The following KCNK12 variants were observed in gnomAD, a reference collection of about 807,000 sequenced individuals.
KCNK12 encodes the protein potassium two pore domain channel subfamily K member 12, also known as potassium channel subfamily K member 12.
A neutral mutation model predicts 25.3 loss-of-function variants in KCNK12; 6 were observed. The observed-to-expected ratio is 0.24, with a 90% CI of 0.13 to 0.47. KCNK12 has a LOEUF of 0.47. Ranked by LOEUF, KCNK12 falls within the 20% of genes least tolerant of loss-of-function variation. KCNK12 has a pLI of 0.99. For missense variants in KCNK12, 444 were observed against 661.7 expected (o/e 0.67, Z 3.61); for synonymous variants, 331 against 311.1 (o/e 1.06, Z -0.67).
In KCNK12 at chr2:47,528,264, C is replaced by T. The variant is rs1230320965; in HGVS notation, c.392-6456G>A. ...CCTTACTGTCCTGTTCCTGAGGTCT[C>T]TCTGTGCCTGCTTTACTGCCCTTCG... On this transcript the variant is annotated intron_variant, in intron 1 of 1. Coordinates refer to ENST00000327876, the MANE Select transcript of KCNK12 (RefSeq NM_022055.2). This position sits in a 1 kb window ranked among gnomAD's most constrained non-coding sequence, Gnocchi z 4.5. 4 of 152,312 alleles carry T rather than the reference C, an allele frequency of 2.6e-5. No individual in the cohort carries two copies. The highest frequency in any genetic ancestry group is 4.4e-5 in the Non-Finnish European group (3 of 68,114). The allele number at this position is 152,312 out of a possible 1,614,324, so 9.4% of individuals were successfully genotyped here.
Position 47,510,794 on chromosome 2 carries a change from T to G in KCNK12, c.*10113A>C, listed in dbSNP as rs1196116712. ...ATTAATATTAACTGGCTGCCCAGAA[T>G]AAATGAAGAATAGCTTATTCTTTGC... On this transcript the variant is annotated 3_prime_UTR_variant, in exon 2 of 2. Coordinates refer to ENST00000327876, the MANE Select transcript of KCNK12 (RefSeq NM_022055.2). 6.6e-6 allele frequency: 1 copy of G among 152,178 alleles called. No individual in the cohort carries two copies. Among genetic ancestry groups the G allele is most frequent in the Non-Finnish European group, 1.5e-5 (1 of 68,036 alleles). The allele number at this position is 152,178 out of a possible 1,614,324, so 9.4% of individuals were successfully genotyped here. A position where few individuals can be genotyped will look rare whatever the true frequency, so the allele number is the denominator to read the frequency against.
rs112866106 is a variant in KCNK12 at position 47,519,626 on chromosome 2, G to C, written c.*1281C>G. 2 of 152,328 alleles carry C rather than the reference G, an allele frequency of 1.3e-5. No individual in the cohort carries two copies. The highest frequency in any genetic ancestry group is 4.8e-5 in the African/African-American group (2 of 41,566). The allele number at this position is 152,328 out of a possible 1,614,324, so 9.4% of individuals were successfully genotyped here. ...TCTGGGAGAATCTGTCCCTCAGCCC[G>C]AGAGCAAAACTGTAATCCTAACATT... On this transcript the variant is annotated 3_prime_UTR_variant, in exon 2 of 2. Coordinates refer to ENST00000327876, the MANE Select transcript of KCNK12 (RefSeq NM_022055.2).
chr2:47,550,319 T>C (rs75242550), intron 1 of KCNK12, among the ~76,000 whole-genome samples: 9,029 of 150,046 alleles, frequency 0.06, 408 homozygotes, highest in South Asian at 0.092. Context: ...AGAGAAATCT[T>C]AACAGCAGCC....
chr2:47,554,896 G>C (rs1336550494), intron 1 of KCNK12, among the ~76,000 whole-genome samples: 1 of 152,184 alleles, frequency 6.6e-6, no homozygotes, highest in Non-Finnish European at 1.5e-5. Context: ...TATGCGGATT[G>C]AGCTGACAAG....
chr2:47,561,666 C>T (rs1399424972), intron 1 of KCNK12, among the ~76,000 whole-genome samples: 1 of 152,176 alleles, frequency 6.6e-6, no homozygotes, highest in Non-Finnish European at 1.5e-5. Flanking sequence ...AGGCACTGCA[C>T]CCATGGGTTA....
chr2:47,511,427 C>A lies in KCNK12; in HGVS notation c.*9480G>T, dbSNP rs1459528483. ...GCATATATGTATTTGGACCAATGCT[C>A]TCATGTGTGCAAATACATGTATTCT... On this transcript the variant is annotated 3_prime_UTR_variant, in exon 2 of 2. Coordinates refer to ENST00000327876, the MANE Select transcript of KCNK12 (RefSeq NM_022055.2). The surrounding 1 kb of genome is among the most constrained non-coding windows in gnomAD (Gnocchi z 4.3). 6.6e-6 allele frequency among the ~76,000 whole-genome samples: 1 copy of A among 152,192 alleles called. No individual in the cohort carries two copies. The highest frequency in any genetic ancestry group is 2.1e-4 in the South Asian group (1 of 4,826).
chr2:47,537,043 C>A (rs527460519), intron 1 of KCNK12, among the ~76,000 whole-genome samples: 1 of 152,200 alleles, frequency 6.6e-6, no homozygotes, highest in Non-Finnish European at 1.5e-5. Flanking sequence ...GCGGCCTTGC[C>A]TGATCAGGGG....
At chr2:47,539,857 T>C (rs1669158996) in intron 1 of KCNK12, among the ~76,000 whole-genome samples, 1 of 151,938 alleles carries the variant, frequency 6.6e-6, no homozygotes, top group Admixed American at 6.5e-5. Flanking sequence ...ACAGCTGAAG[T>C]GCTCAGACAC....
chr2:47,530,128 C>T (rs1337630548), intron 1 of KCNK12, among the ~76,000 whole-genome samples: 1 of 152,156 alleles, frequency 6.6e-6, no homozygotes, highest in Non-Finnish European at 1.5e-5. Context: ...AAGGCTGAGC[C>T]CTGCCCAGCC....
At position 47,529,465 on chromosome 2, in the gene KCNK12, TA is replaced by T. The variant is rs1668871423; in HGVS notation, c.392-7658del. Among the ~76,000 whole-genome samples the T allele has an allele frequency of 6.6e-6, 1 of 152,224 alleles. No individual in the cohort carries two copies. The highest frequency in any genetic ancestry group is 2.4e-5 in the African/African-American group (1 of 41,456). ...TGGTTGGAATCTGTCCAACTACAAA[TA>T]TTTTGATTTAAATTTCCATTGACCT... On this transcript the variant is annotated intron_variant, in intron 1 of 1. Transcript: ENST00000327876. The surrounding 1 kb of genome is among the most constrained non-coding windows in gnomAD (Gnocchi z 4.3).
In KCNK12 at chr2:47,533,413, A is replaced by G. The variant is rs1668980481; in HGVS notation, c.392-11605T>C. On this transcript the variant is annotated intron_variant, in intron 1 of 1. Transcript: ENST00000327876. The surrounding 1 kb of genome is among the most constrained non-coding windows in gnomAD (Gnocchi z 4.7). ...CATAGTAAGCTCCCCAAAAGCACCAAGCTTAGCTGGGAAGCACGATGGGTG... is the reference window on the plus strand; with the variant it reads ...CATAGTAAGCTCCCCAAAAGCACCAGGCTTAGCTGGGAAGCACGATGGGTG... Among the ~76,000 whole-genome samples the G allele has an allele frequency of 6.6e-6, 1 of 152,218 alleles. No individual in the cohort carries two copies. The highest frequency in any genetic ancestry group is 1.5e-5 in the Non-Finnish European group (1 of 68,028).
chr2:47,561,509 A>G (rs1320302257), intron 1 of KCNK12, among the ~76,000 whole-genome samples: 1 of 152,144 alleles, frequency 6.6e-6, no homozygotes, highest in African/African-American at 2.4e-5. Context: ...TGAGGCCCAG[A>G]GGACTGGACC....
At position 47,548,566 on chromosome 2, in the gene KCNK12, G is replaced by A. The variant is rs934785752; in HGVS notation, c.391+21375C>T. Among the ~76,000 whole-genome samples the A allele has an allele frequency of 2.0e-5, 3 of 152,174 alleles. No homozygotes were observed. Among genetic ancestry groups the A allele is most frequent in the East Asian group, 1.9e-4 (1 of 5,186 alleles). On this transcript the variant is annotated intron_variant, in intron 1 of 1. Transcript: ENST00000327876. This position sits in a 1 kb window ranked among gnomAD's most constrained non-coding sequence, Gnocchi z 4.4. ...CCTACATCTGATCCAGGAACAAATC[G>A]TGCCACCCTACTGTCAACACTTATC...
intron 1 of KCNK12, chr2:47,535,338 A>C (rs1193403893): frequency 1.7e-5 from 4 of 232,992 alleles, no homozygotes; most frequent in Non-Finnish European, 1.7e-5. Context: ...ACCTCAGCAC[A>C]TGGGTCTCTC....
chr2:47,551,282 A>C lies in KCNK12; in HGVS notation c.391+18659T>G, dbSNP rs1468481704. On this transcript the variant is annotated intron_variant, in intron 1 of 1. Coordinates refer to ENST00000327876, the MANE Select transcript of KCNK12 (RefSeq NM_022055.2). The surrounding 1 kb of genome is among the most constrained non-coding windows in gnomAD (Gnocchi z 5.3). The stretch of plus-strand genomic sequence containing the variant: ...TGGAGCCCTCTTCCTCCAGGCAGCC[A>C]CATGGCTCACTCCCTTACCTCATTC... 1.3e-5 allele frequency among the ~76,000 whole-genome samples: 2 copies of C among 150,942 alleles called. No individual in the cohort carries two copies. Among genetic ancestry groups the C allele is most frequent in the East Asian group, 4.2e-4 (2 of 4,772 alleles).
At chr2:47,524,475 T>C (rs1270972655) in intron 1 of KCNK12, among the ~76,000 whole-genome samples, 2 of 152,252 alleles carry the variant, frequency 1.3e-5, no homozygotes, top group Admixed American at 6.5e-5. Flanking sequence ...TTCTGCATTA[T>C]TCCATTAACA....
chr2:47,570,244 A>G lies in KCNK12; in HGVS notation c.88T>C (p.Ser30Pro). Residue 30 changes from serine to proline, a missense_variant, in exon 1 of 2, where the codon TCG (serine) becomes CCG (proline). Around this residue, in one of 8 missense-constraint regions of KCNK12, gnomAD observed 67 missense variants for 59.2 expected, o/e 1.13. Transcript: ENST00000327876. ...CGGCCGGTGTCCTCGTTGAGGTGCG[A>G]ACGGCGGCAGCAGCAGCAGCAGCAG... is the stretch of plus-strand genomic sequence containing the variant. ...PSCCCCCCRR[S>P]HLNEDTGRFV... 1 of 1,458,924 alleles carries G rather than the reference A, an allele frequency of 6.9e-7. No individual in the cohort carries two copies. The allele number at this position is 1,458,924 out of a possible 1,614,324, so 90.4% of individuals were successfully genotyped here.
chr2:47,550,674 C>T (rs1412241002), intron 1 of KCNK12, among the ~76,000 whole-genome samples: 1 of 152,116 alleles, frequency 6.6e-6, no homozygotes, highest in Non-Finnish European at 1.5e-5. Context: ...TGAGCCACCA[C>T]ACCTGGCCAC....
chr2:47,512,531 A>T lies in KCNK12; in HGVS notation c.*8376T>A. 7.4e-7 allele frequency: 1 copy of T among 1,351,322 alleles called. No individual in the cohort carries two copies. The highest frequency in any genetic ancestry group is 1.0e-6 in the Non-Finnish European group (1 of 1,002,108). The allele number at this position is 1,351,322 out of a possible 1,614,324, so 83.7% of individuals were successfully genotyped here. On this transcript the variant is annotated 3_prime_UTR_variant, in exon 2 of 2. Transcript: ENST00000327876. ...CCTCAAAATGGAGCAGGAAGCTCTC[A>T]AAAATGGACCAGAAAGGGGTCAGGA...
Sources: allele counts gnomAD v4.1 joint callset (sites outside exome capture counted in the v4.1 genomes callset), GRCh38; gene constraint gnomAD v4.1.1; regional missense constraint gnomAD v4.1.1; non-coding constraint Gnocchi (gnomAD v3.1); transcripts MANE v1.5; gene names NCBI Gene and HGNC (gene_info 2026-07-23, HGNC 2026-07-21).